Variants in BNC2 observed in about 807,000 individuals in gnomAD.
BNC2 encodes zinc finger protein basonuclin-2.
Under a neutral mutation model 76.3 loss-of-function variants are expected in BNC2, and 20 were observed. The ratio of observed to expected loss-of-function variants is 0.26; its 90% CI spans 0.18 to 0.38. The LOEUF is 0.38. Ranked by LOEUF, BNC2 falls within the 10% of genes least tolerant of loss-of-function variation. The probability of loss-of-function intolerance (pLI) is 1.00; values close to 1 mark genes in which losing one functional copy is unlikely to be tolerated. For synonymous variants in BNC2, 582 were observed against 514.8 expected, an observed-to-expected ratio of 1.13 and a Z score of -1.77; for missense variants, 1,382 against 1,399.8, an observed-to-expected ratio of 0.99 and a Z score of 0.20.
At chr9:16,442,137 G>C (rs945377341) in intron 5 of BNC2, among the ~76,000 whole-genome samples, 1 of 152,020 alleles carries the variant, frequency 6.6e-6, no homozygotes, top group Non-Finnish European at 1.5e-5. Context: ...GACAAAATGA[G>C]GATAATAAGA....
At chr9:16,696,916 C>G (rs1371114456) in intron 3 of BNC2, among the ~76,000 whole-genome samples, 1 of 152,216 alleles carries the variant, frequency 6.6e-6, no homozygotes, top group Non-Finnish European at 1.5e-5. Context: ...AACTCAATGT[C>G]ACCCTGTTGA....
chr9:16,533,671 CA>C (rs1818048409), intron 5 of BNC2, among the ~76,000 whole-genome samples: 1 of 152,114 alleles, frequency 6.6e-6, no homozygotes, highest in Non-Finnish European at 1.5e-5. Flanking sequence ...CTCATTACTT[CA>C]ATCTGTCGTT....
chr9:16,832,957 C>T (rs1197844659), intron 1 of BNC2, among the ~76,000 whole-genome samples: 2 of 152,050 alleles, frequency 1.3e-5, no homozygotes, highest in African/African-American at 2.4e-5. Context: ...ATCTCTTGAC[C>T]TGGTGATCCG....
At chr9:16,654,379 TAA>T (rs1003480636) in intron 3 of BNC2, among the ~76,000 whole-genome samples, 2 of 152,168 alleles carry the variant, frequency 1.3e-5, no homozygotes, top group African/African-American at 4.8e-5. Context: ...AAAATGTACG[TAA>T]GTTGTGCTAA....
At chr9:16,798,340 T>C (rs1472201457) in intron 1 of BNC2, among the ~76,000 whole-genome samples, 4 of 152,304 alleles carry the variant, frequency 2.6e-5, no homozygotes, top group East Asian at 3.9e-4. Context: ...ATCACCACCA[T>C]TCTAATTTAG....
chr9:16,463,623 AGG>A (rs1821637565), intron 5 of BNC2, among the ~76,000 whole-genome samples: 1 of 152,096 alleles, frequency 6.6e-6, no homozygotes, highest in Non-Finnish European at 1.5e-5. Flanking sequence ...ATCCAAATGA[AGG>A]GTATACTTGA....
chr9:16,468,298 C>T (rs7035219), intron 5 of BNC2, among the ~76,000 whole-genome samples: 1,815 of 152,224 alleles, frequency 0.012, 26 homozygotes, highest in African/African-American at 0.034. Context: ...AGACTCCTTT[C>T]GCTACTAGAG....
intron 5 of BNC2, among the ~76,000 whole-genome samples, chr9:16,498,026 C>T (rs1287834107): frequency 9.6e-6 from 1 of 104,420 alleles, no homozygotes; most frequent in Non-Finnish European, 2.1e-5. Context: ...TGTATGTATT[C>T]CACCATATAT....
At chr9:16,476,867 G>C (rs964840377) in intron 5 of BNC2, among the ~76,000 whole-genome samples, 12 of 152,152 alleles carry the variant, frequency 7.9e-5, no homozygotes, top group African/African-American at 2.7e-4. Context: ...ATGATGCAAG[G>C]GGTTTGAAAT....
At chr9:16,864,617 C>T (rs1819495980) in intron 1 of BNC2, among the ~76,000 whole-genome samples, 1 of 152,162 alleles carries the variant, frequency 6.6e-6, no homozygotes, top group African/African-American at 2.4e-5. Context: ...CCAGCGTCGG[C>T]CTATCCCCCA....
intron 3 of BNC2, among the ~76,000 whole-genome samples, chr9:16,710,345 A>C (rs1823801011): frequency 6.6e-6 from 1 of 152,242 alleles, no homozygotes; most frequent in African/African-American, 2.4e-5. Context: ...GAAAATAAAT[A>C]TTAGAGATTG....
At position 16,437,519 on chromosome 9, in the gene BNC2, A is replaced by C; in HGVS notation, c.675T>G (p.Ala225=). 1 of 1,611,962 alleles carries C rather than the reference A, an allele frequency of 6.2e-7. No individual in the cohort carries two copies. The highest frequency in any genetic ancestry group is 8.5e-7 in the Non-Finnish European group (1 of 1,179,972). The change falls in exon 6 of 7, where the codon GCT becomes GCG. Residue 225 remains alanine (A), a synonymous_variant. Coordinates refer to ENST00000380672, the MANE Select transcript of BNC2 (RefSeq NM_017637.6). ...CCCAGCGGTCCAGCACCTTGCCAGC[A>C]GCATCCTAGAGGCCACATCAAAGAA... is the stretch of plus-strand genomic sequence containing the variant. ...DYVRGYILQD[A]AGKVLDRWAI...
At chr9:16,816,776 G>A (rs560530233) in intron 1 of BNC2, among the ~76,000 whole-genome samples, 2 of 152,276 alleles carry the variant, frequency 1.3e-5, no homozygotes, top group East Asian at 3.9e-4. Context: ...TCAGGCCCAA[G>A]TATGTAGTCT....
intron 3 of BNC2, among the ~76,000 whole-genome samples, chr9:16,661,836 G>C (rs1229368737): frequency 1.3e-5 from 2 of 152,102 alleles, no homozygotes; most frequent in Non-Finnish European, 2.9e-5. Flanking sequence ...AATAATAACA[G>C]AGGTTTTTAA....
chr9:16,525,077 G>T (rs1372990447), intron 5 of BNC2, among the ~76,000 whole-genome samples: 3 of 77,128 alleles, frequency 3.9e-5, no homozygotes, highest in Admixed American at 2.3e-4. Flanking sequence ...GAGTGGGGGA[G>T]GGGGGGGGAA....
In BNC2 at chr9:16,866,165, G is replaced by A. The variant is rs115105749; in HGVS notation, c.3+4481C>T. 5.2e-3 allele frequency among the ~76,000 whole-genome samples: 793 copies of A among 152,180 alleles called. 7 individuals are homozygous for A. Among genetic ancestry groups the A allele is most frequent in the African/African-American group, 0.018 (730 of 41,546 alleles). On this transcript the variant is annotated intron_variant, in intron 1 of 6. Coordinates refer to ENST00000380672, the MANE Select transcript of BNC2 (RefSeq NM_017637.6). ...TCTTTAACATAACTGTATCACAAAT[G>A]TTAATGGAAAGTGGTAAATATGAAA... is the stretch of plus-strand genomic sequence containing the variant.
chr9:16,666,346 T>A (rs983485051), intron 3 of BNC2, among the ~76,000 whole-genome samples: 1 of 152,202 alleles, frequency 6.6e-6, no homozygotes, highest in African/African-American at 2.4e-5. Flanking sequence ...CCGCTGCAAA[T>A]GTTCTCTCCT....
chr9:16,453,597 G>A (rs1821386792), intron 5 of BNC2, among the ~76,000 whole-genome samples: 1 of 151,994 alleles, frequency 6.6e-6, no homozygotes, highest in Non-Finnish European at 1.5e-5. Context: ...CGACATTCTG[G>A]TGTCAAGGTG....
chr9:16,683,477 G>C (rs1159066080), intron 3 of BNC2, among the ~76,000 whole-genome samples: 3 of 152,170 alleles, frequency 2.0e-5, no homozygotes, highest in East Asian at 1.9e-4. Flanking sequence ...TGATGATAAT[G>C]CCTAGCCCTG....
Sources: gnomAD v4.1 joint callset for allele counts (sites outside exome capture counted in the v4.1 genomes callset) on GRCh38, gnomAD v4.1.1 for gene constraint, MANE v1.5 for transcripts, NCBI Gene and HGNC (gene_info 2026-07-23, HGNC 2026-07-21) for gene names.